Variants in PIM2 observed in about 807,000 individuals in gnomAD.
PIM2 encodes the protein serine/threonine-protein kinase pim-2.
PIM2 carries 3 observed loss-of-function variants against 18.0 expected under a neutral mutation model. That is an observed-to-expected ratio of 0.17 (90% confidence interval 0.08 to 0.43). The LOEUF (loss-of-function observed/expected upper bound fraction) is 0.43. Ranked by LOEUF, PIM2 falls within the 20% of genes least tolerant of loss-of-function variation. The probability of loss-of-function intolerance (pLI) is 0.99; values close to 1 mark genes in which losing one functional copy is unlikely to be tolerated. For missense variants in PIM2, 181 were observed against 260.8 expected (o/e 0.69, Z 2.11); for synonymous variants, 117 against 105.3 (o/e 1.11, Z -0.68).
intron 1 of PIM2, 22 bp downstream of exon 1, chrX:48,918,752 C>A: frequency 8.4e-7 from 1 of 1,184,565 alleles, no homozygotes. Flanking sequence ...CGTCTGGTTG[C>A]AGTAGGGGAG....
In PIM2 at chrX:48,913,460, G is replaced by T. The variant is rs782380894; in HGVS notation, c.*671C>A. On this transcript the variant is annotated 3_prime_UTR_variant, in exon 6 of 6. Transcript: ENST00000376509. ...ATCCTAGTGTCTGGTGGTGTCCGGT[G>T]GTGTCCATCTTCCATTCCTTCCCAA... 2 of 106,661 alleles carry T rather than the reference G, an allele frequency of 1.9e-5. No homozygotes were observed. The highest frequency in any genetic ancestry group is 5.9e-4 in the East Asian group (2 of 3,415). 8.8% of individuals were successfully genotyped at this position (106,661 alleles called of 1,213,427 possible).
Position 48,918,651 on chromosome X carries a change from C to T in PIM2, c.62-6G>A. Reference sequence around the variant, plus strand: ...CGCTTCCCGATCCTTGCCTCCTACGCAGGCGGAGGCGAGGAAGTCAGGGTG... The same window carrying T: ...CGCTTCCCGATCCTTGCCTCCTACGTAGGCGGAGGCGAGGAAGTCAGGGTG... On this transcript the variant is annotated splice_region_variant and splice_polypyrimidine_tract_variant and intron_variant, in intron 1 of 5. Coordinates refer to ENST00000376509, the MANE Select transcript of PIM2 (RefSeq NM_006875.4). 11 of 1,171,839 alleles carry T rather than the reference C, an allele frequency of 9.4e-6. No homozygotes were observed. The highest frequency in any genetic ancestry group is 1.3e-5 in the Non-Finnish European group (11 of 862,951).
At chrX:48,918,310 C>CGGGG (rs1404854904) in intron 2 of PIM2, among the ~76,000 whole-genome samples, 1 of 74,967 alleles carries the variant, frequency 1.3e-5, no homozygotes, top group Non-Finnish European at 2.6e-5. Flanking sequence ...CCCCCCCCCC[C>CGGGG]GCCCATAACC....
chrX:48,918,476 G>A, intron 2 of PIM2, 60 bp downstream of exon 2: 2 of 839,612 alleles, frequency 2.4e-6, no homozygotes, highest in South Asian at 4.7e-5. Context: ...GCATTCCAGG[G>A]CCAGGACCCC....
intron 2 of PIM2, 82 bp from the exon 3 acceptor site, chrX:48,917,913 A>G: frequency 2.7e-6 from 2 of 741,176 alleles, no homozygotes; most frequent in Admixed American, 5.3e-5. Context: ...TACCTCCAGT[A>G]TTCCTCCATC....
chrX:48,914,310 C>G lies in PIM2; in HGVS notation c.773-16G>C, dbSNP rs1254082100. The G allele has an allele frequency of 8.3e-7, 1 of 1,208,341 alleles. No homozygotes were observed. The highest frequency in any genetic ancestry group is 2.2e-5 in the Admixed American group (1 of 45,538). ...GCACAGCAGTCTGTAGGCCAAGAAG[C>G]AGAGAGGGAAGATTAGCAGTCAGTA... On this transcript the variant is annotated splice_polypyrimidine_tract_variant and intron_variant, in intron 5 of 5. Transcript: ENST00000376509.
chrX:48,918,880 G>C lies in PIM2; in HGVS notation c.-46C>G. On this transcript the variant is annotated 5_prime_UTR_variant, in exon 1 of 6. Transcript: ENST00000376509. ...TGAGCCCACTGAACCCGCTAAGCCC[G>C]CAGGGCGTGGACGCCCGGGGCAGCG... The C allele has an allele frequency of 1.8e-6, 2 of 1,108,894 alleles. No homozygotes were observed. The highest frequency in any genetic ancestry group is 2.4e-6 in the Non-Finnish European group (2 of 819,765). The allele number at this position is 1,108,894 out of a possible 1,213,427, so 91.4% of individuals were successfully genotyped here.
chrX:48,917,149 T>C (rs1292282367), intron 3 of PIM2, among the ~76,000 whole-genome samples: 2 of 103,041 alleles, frequency 1.9e-5, no homozygotes, highest in Non-Finnish European at 4.0e-5. Context: ...AGGGAGACTG[T>C]GTCTCCAAAA....
rs35044770 is a variant in PIM2 at position 48,915,202 on chromosome X, C to G, written c.413G>C (p.Gly138Ala). Residue 138 changes from glycine to alanine, a missense_variant, in exon 4 of 6, where the codon GGC becomes GCC. Around this residue, in one of 5 missense-constraint regions of PIM2, gnomAD observed 104 missense variants for 125.3 expected, o/e 0.83. Transcript: ENST00000376509. The stretch of plus-strand genomic sequence containing the variant: ...TTGGCCAAAGAAGCAGCGGCTTGGG[C>G]CTTCACCCAGTGGGCCCTTCTCTGT... ...YITEKGPLGE[G>A]PSRCFFGQVV... The G allele has an allele frequency of 1.4e-5, 17 of 1,210,881 alleles. No individual in the cohort carries two copies. The highest frequency in any genetic ancestry group is 1.9e-5 in the Non-Finnish European group (17 of 895,271).
At chrX:48,917,680 T>C (rs1602352969) in intron 3 of PIM2, 101 bp downstream of exon 3, 1 of 609,115 alleles carries the variant, frequency 1.6e-6, no homozygotes, top group Non-Finnish European at 2.7e-6. Flanking sequence ...GTATTCTCAC[T>C]GTTACAGGGC....
At chrX:48,917,473 G>C (rs1383259672) in intron 3 of PIM2, among the ~76,000 whole-genome samples, 6 of 113,337 alleles carry the variant, frequency 5.3e-5, no homozygotes, top group African/African-American at 1.9e-4. Flanking sequence ...AACGGCAAGA[G>C]AGAAGCAGCC....
At position 48,913,490 on chromosome X, in the gene PIM2, T is replaced by C. The variant is rs1431271609; in HGVS notation, c.*641A>G. ...CCATCTTCCATTCCTTCCCAAATTA[T>C]GGAAGTAAGGTTCTTCTCACCAGAA... On this transcript the variant is annotated 3_prime_UTR_variant, in exon 6 of 6. Transcript: ENST00000376509. 1 of 97,232 alleles carries C rather than the reference T, an allele frequency of 1.0e-5. No individual in the cohort carries two copies. Among genetic ancestry groups the C allele is most frequent in the African/African-American group, 3.9e-5 (1 of 25,533 alleles). The allele number at this position is 97,232 out of a possible 1,213,427, so 8.0% of individuals were successfully genotyped here.
At position 48,918,907 on chromosome X, in the gene PIM2, AGCTGGGGAGCCAGG is replaced by A; in HGVS notation, c.-87_-74del. The A allele has an allele frequency of 1.1e-6, 1 of 935,881 alleles. No individual in the cohort carries two copies. The highest frequency in any genetic ancestry group is 1.5e-6 in the Non-Finnish European group (1 of 676,537). 77.1% of individuals were successfully genotyped at this position (935,881 alleles called of 1,213,427 possible). On this transcript the variant is annotated 5_prime_UTR_variant, in exon 1 of 6. Coordinates refer to ENST00000376509, the MANE Select transcript of PIM2 (RefSeq NM_006875.4). ...AGGGCGTGGACGCCCGGGGCAGCGC[AGCTGGGGAGCCAGG>A]GCTGGGGGGCGCCAGGGTGGAAAGC...
chrX:48,916,444 G>A (rs1049267210), intron 3 of PIM2, among the ~76,000 whole-genome samples: 1 of 112,921 alleles, frequency 8.9e-6, no homozygotes, highest in Non-Finnish European at 1.9e-5. Context: ...CTGCGCAGTG[G>A]CTCACGCCTG....
At chrX:48,916,310 A>T (rs2063562623) in intron 3 of PIM2, among the ~76,000 whole-genome samples, 1 of 113,013 alleles carries the variant, frequency 8.8e-6, no homozygotes, top group Admixed American at 9.3e-5. Context: ...CAATATACCT[A>T]ATTTGTTAAA....
intron 1 of PIM2, 33 bp from the exon 2 acceptor site, chrX:48,918,678 C>T: frequency 1.8e-6 from 2 of 1,137,079 alleles, no homozygotes; most frequent in Non-Finnish European, 1.2e-6. Context: ...GTCAGGGTGG[C>T]GGCGTGCTGA....
intron 4 of PIM2, chrX:48,914,806 C>T: frequency 2.2e-6 from 1 of 464,300 alleles, no homozygotes; most frequent in Middle Eastern, 5.3e-4. Context: ...ACAGGATCCC[C>T]TCACCAGAAT....
chrX:48,918,965 G>T lies in PIM2; in HGVS notation c.-131C>A. On this transcript the variant is annotated 5_prime_UTR_variant, in exon 1 of 6. Transcript: ENST00000376509. Reference sequence around the variant, plus strand: ...GGAAAGCAGAGAAACTGGTGGCCCGGAAGCGCCCGCAGACGGCGCAGCGTT... The same window carrying T: ...GGAAAGCAGAGAAACTGGTGGCCCGTAAGCGCCCGCAGACGGCGCAGCGTT... 1 of 532,513 alleles carries T rather than the reference G, an allele frequency of 1.9e-6. No homozygotes were observed. The highest frequency in any genetic ancestry group is 3.0e-6 in the Non-Finnish European group (1 of 328,161). 43.9% of individuals were successfully genotyped at this position (532,513 alleles called of 1,213,427 possible). A position where few individuals can be genotyped will look rare whatever the true frequency, so the allele number is the denominator to read the frequency against.
intron 4 of PIM2, 190 bp downstream of exon 4, chrX:48,914,830 A>G (rs1385669852): frequency 3.0e-5 from 14 of 474,156 alleles, no homozygotes; most frequent in Non-Finnish European, 4.6e-5. Context: ...AGCCCAGAAT[A>G]AGGTTAGCAC....
Sources: gnomAD v4.1 joint callset for allele counts (sites outside exome capture counted in the v4.1 genomes callset) on GRCh38, gnomAD v4.1.1 for gene constraint, gnomAD v4.1.1 regional missense constraint, MANE v1.5 for transcripts, NCBI Gene and HGNC (gene_info 2026-07-23, HGNC 2026-07-21) for gene names.